The following DIS3L2 variants were observed in gnomAD, a reference collection of about 807,000 sequenced individuals.
DIS3L2 encodes the protein DIS3-like exonuclease 2.
DIS3L2 carries 34 observed loss-of-function variants against 97.5 expected under a neutral mutation model. The observed-to-expected ratio is 0.35, with a 90% CI of 0.27 to 0.46. The LOEUF is 0.46. Among genes scored for constraint, DIS3L2 ranks in the 20% least tolerant of loss-of-function variants. The pLI is 1.00. For missense variants in DIS3L2, 1,038 were observed against 1,146.0 expected (o/e 0.91, Z 1.36); for synonymous variants, 435 against 445.2 (o/e 0.98, Z 0.29).
chr2:232,033,522 TGA>T (rs1474382317), intron 5 of DIS3L2, among the ~76,000 whole-genome samples: 2 of 152,224 alleles, frequency 1.3e-5, no homozygotes, highest in Non-Finnish European at 2.9e-5. Flanking sequence ...AATAGAGTGC[TGA>T]GAGAGGGCAT....
chr2:232,257,143 A>G (rs1693587296), intron 12 of DIS3L2, among the ~76,000 whole-genome samples: 1 of 152,186 alleles, frequency 6.6e-6, no homozygotes, highest in African/African-American at 2.4e-5. Context: ...CTAGATATTC[A>G]TGCCTTAATC....
At chr2:232,135,336 G>A (rs566865426) in intron 7 of DIS3L2, among the ~76,000 whole-genome samples, 1 of 152,132 alleles carries the variant, frequency 6.6e-6, no homozygotes, top group Non-Finnish European at 1.5e-5. Flanking sequence ...GTAAAGGTCT[G>A]GGTGTGGCAG....
chr2:232,076,381 G>T (rs1416320003), intron 5 of DIS3L2, among the ~76,000 whole-genome samples: 1 of 152,108 alleles, frequency 6.6e-6, no homozygotes. Context: ...TCTACAAAGG[G>T]CTGGACCAGT....
At chr2:232,022,333 A>G (rs1463093979) in intron 3 of DIS3L2, among the ~76,000 whole-genome samples, 3 of 152,080 alleles carry the variant, frequency 2.0e-5, no homozygotes, top group Non-Finnish European at 4.4e-5. Flanking sequence ...GTGCTTTTGT[A>G]TATATTGGGA....
intron 14 of DIS3L2, among the ~76,000 whole-genome samples, chr2:232,301,998 A>C (rs1694869147): frequency 1.3e-5 from 2 of 152,124 alleles, no homozygotes; most frequent in East Asian, 3.9e-4. Flanking sequence ...GTCTTGGTTG[A>C]TCCATAGCTC....
intron 9 of DIS3L2, among the ~76,000 whole-genome samples, chr2:232,189,541 T>C (rs543493130): frequency 1.5e-4 from 23 of 152,348 alleles, no homozygotes; most frequent in Admixed American, 1.0e-3. Flanking sequence ...AGGCAAATTT[T>C]AGAACCATAG....
chr2:231,972,012 C>G (rs1326528775), intron 1 of DIS3L2, among the ~76,000 whole-genome samples: 6 of 151,606 alleles, frequency 4.0e-5, no homozygotes, highest in South Asian at 2.1e-4. Context: ...TGGTGAAACC[C>G]TGTCTCTACT....
chr2:232,305,102 G>T (rs2106325773), intron 14 of DIS3L2, among the ~76,000 whole-genome samples: 1 of 152,182 alleles, frequency 6.6e-6, no homozygotes, highest in East Asian at 1.9e-4. Context: ...TTGAGATGGA[G>T]TCTCGCTCTG....
At chr2:232,007,765 T>G (rs1019229845) in intron 1 of DIS3L2, among the ~76,000 whole-genome samples, 1 of 152,240 alleles carries the variant, frequency 6.6e-6, no homozygotes, top group Non-Finnish European at 1.5e-5. Flanking sequence ...TTAAAAAATA[T>G]GAACTATCTT....
rs1383138572 is a variant in DIS3L2, at chr2:232,037,087, T to C, written c.366+7007T>C. On this transcript the variant is annotated intron_variant, in intron 5 of 20. Coordinates refer to ENST00000325385, the MANE Select transcript of DIS3L2 (RefSeq NM_152383.5). The surrounding 1 kb of genome is among the most constrained non-coding windows in gnomAD (Gnocchi z 4.6). The stretch of plus-strand genomic sequence containing the variant: ...CTGTGCTGGGAGATCTGCTGCTCTC[T>C]TCAGAGCTGGCAGGCAGGAATGTTT... 1.3e-5 allele frequency among the ~76,000 whole-genome samples: 2 copies of C among 152,222 alleles called. No individual in the cohort carries two copies. The highest frequency in any genetic ancestry group is 6.5e-5 in the Admixed American group (1 of 15,280).
chr2:232,135,690 T>C (rs1251849774), intron 7 of DIS3L2, among the ~76,000 whole-genome samples: 2 of 152,024 alleles, frequency 1.3e-5, no homozygotes, highest in Non-Finnish European at 2.9e-5. Flanking sequence ...GGAGGTTTCC[T>C]GCAGACAGGC....
intron 1 of DIS3L2, among the ~76,000 whole-genome samples, chr2:231,972,519 G>A (rs1488390420): frequency 1.3e-5 from 2 of 152,158 alleles, no homozygotes; most frequent in Non-Finnish European, 2.9e-5. Context: ...TGTCGTTATG[G>A]AATGCATGAC....
At chr2:232,283,871 T>A (rs913039155) in intron 13 of DIS3L2, among the ~76,000 whole-genome samples, 1 of 152,130 alleles carries the variant, frequency 6.6e-6, no homozygotes, top group Non-Finnish European at 1.5e-5. Context: ...TACACAAATG[T>A]ACGTGTGTGA....
At chr2:232,229,515 A>G (rs1305819600) in intron 10 of DIS3L2, among the ~76,000 whole-genome samples, 1 of 152,240 alleles carries the variant, frequency 6.6e-6, no homozygotes, top group African/African-American at 2.4e-5. Flanking sequence ...TCACTGCTGA[A>G]AAGCCTGGAA....
At chr2:232,190,815 A>T (rs1333561136) in intron 9 of DIS3L2, among the ~76,000 whole-genome samples, 1 of 152,158 alleles carries the variant, frequency 6.6e-6, no homozygotes, top group Non-Finnish European at 1.5e-5. Context: ...GAGCTCCAGA[A>T]TGTAAAGGGT....
At chr2:232,027,413 T>C (rs1694688683) in intron 4 of DIS3L2, among the ~76,000 whole-genome samples, 1 of 152,196 alleles carries the variant, frequency 6.6e-6, no homozygotes, top group African/African-American at 2.4e-5. Flanking sequence ...GGAATGAATA[T>C]GAAAGATGAG....
chr2:231,971,838 C>T (rs1209054275), intron 1 of DIS3L2, among the ~76,000 whole-genome samples: 1 of 151,456 alleles, frequency 6.6e-6, no homozygotes, highest in African/African-American at 2.4e-5. Flanking sequence ...GCCTCCGCCT[C>T]CCAAAGTGCT....
At chr2:232,071,527 A>G (rs967669500) in intron 5 of DIS3L2, among the ~76,000 whole-genome samples, 4 of 152,106 alleles carry the variant, frequency 2.6e-5, no homozygotes, top group African/African-American at 9.7e-5. Flanking sequence ...GTCTCAAAAA[A>G]AAGAAAAAAA....
chr2:232,117,237 C>G (rs1393059416), intron 6 of DIS3L2, among the ~76,000 whole-genome samples: 2 of 152,166 alleles, frequency 1.3e-5, no homozygotes, highest in Non-Finnish European at 2.9e-5. Flanking sequence ...ACCTCTCCAT[C>G]AGGGAAGGGG....
Sources: allele counts gnomAD v4.1 joint callset (sites outside exome capture counted in the v4.1 genomes callset), GRCh38; gene constraint gnomAD v4.1.1; non-coding constraint Gnocchi (gnomAD v3.1); transcripts MANE v1.5; gene names NCBI Gene and HGNC (gene_info 2026-07-23, HGNC 2026-07-21).